Variants in GPHN observed in about 807,000 individuals in gnomAD.
The protein encoded by GPHN is gephyrin.
GPHN carries 17 observed loss-of-function variants against 95.5 expected under a neutral mutation model. That is an observed-to-expected ratio of 0.18 (90% confidence interval 0.12 to 0.27). GPHN has a LOEUF of 0.27. Ranked by LOEUF, GPHN falls within the 10% of genes least tolerant of loss-of-function variation. GPHN has a pLI of 1.00. For synonymous variants in GPHN, 320 were observed against 322.5 expected (o/e 0.99, Z 0.08); for missense variants, 660 against 978.1 (o/e 0.67, Z 4.34).
intron 12 of GPHN, 62 bp from the exon 13 acceptor site, chr14:67,100,794 G>A: frequency 1.9e-6 from 2 of 1,065,692 alleles, no homozygotes; most frequent in Non-Finnish European, 2.9e-6. Context: ...CCAATTTTAG[G>A]TTCTTGTTCC....
intron 18 of GPHN, among the ~76,000 whole-genome samples, chr14:67,145,942 G>A (rs756892427): frequency 1.3e-5 from 2 of 152,218 alleles, no homozygotes; most frequent in Non-Finnish European, 2.9e-5. Context: ...CTATCTCCAA[G>A]AATTATGACA....
At chr14:67,571,895 C>T in the GPHN span, 23 of 1,608,922 alleles carry the variant, frequency 1.4e-5, no homozygotes. Flanking sequence ...CCCGGGCCAT[C>T]AAGAGAGGTA....
chr14:67,125,776 CAA>C (rs758111687), intron 17 of GPHN, among the ~76,000 whole-genome samples: 16 of 92,016 alleles, frequency 1.7e-4, no homozygotes, highest in Admixed American at 2.4e-4. Context: ...GACTCTGTCT[CAA>C]AAAAAAAAAA....
intron 1 of GPHN, among the ~76,000 whole-genome samples, chr14:66,584,804 G>A (rs1370780476): frequency 6.6e-6 from 1 of 152,058 alleles, no homozygotes; most frequent in Non-Finnish European, 1.5e-5. Context: ...ATTTTATTGA[G>A]GATTTTTGCA....
chr14:66,975,325 A>T (rs1283885267), intron 9 of GPHN, among the ~76,000 whole-genome samples: 1 of 152,180 alleles, frequency 6.6e-6, no homozygotes, highest in Non-Finnish European at 1.5e-5. Flanking sequence ...TTCTACTTTT[A>T]TTGAAAGTAT....
the GPHN span, among the ~76,000 whole-genome samples, chr14:67,494,988 G>A: frequency 6.6e-6 from 1 of 152,168 alleles, no homozygotes; most frequent in Non-Finnish European, 1.5e-5. Flanking sequence ...GGGGCAAAAT[G>A]TTAATCACAG....
chr14:67,223,775 T>C, the GPHN span: 1 of 985,470 alleles, frequency 1.0e-6, no homozygotes, highest in Non-Finnish European at 1.2e-6. Flanking sequence ...TTTCAGTTTT[T>C]CCCCTGATTA....
chr14:66,562,814 G>T (rs180885133), intron 1 of GPHN, among the ~76,000 whole-genome samples: 1 of 152,178 alleles, frequency 6.6e-6, no homozygotes, highest in East Asian at 1.9e-4. Flanking sequence ...ACTAAGAATC[G>T]AATAGTCCTG....
chr14:66,948,653 C>T (rs996053484), intron 8 of GPHN, among the ~76,000 whole-genome samples: 1 of 152,198 alleles, frequency 6.6e-6, no homozygotes, highest in Non-Finnish European at 1.5e-5. Flanking sequence ...CACATACTAC[C>T]AGAAACCCTG....
chr14:67,049,968 T>C (rs1214498495), intron 10 of GPHN, among the ~76,000 whole-genome samples: 1 of 152,210 alleles, frequency 6.6e-6, no homozygotes, highest in Non-Finnish European at 1.5e-5. Context: ...TACCTGCTGA[T>C]GTGCCAGAGA....
rs540501159 is a variant in GPHN, at chr14:66,646,460, G to T, written c.65-34647G>T. Among the ~76,000 whole-genome samples, 7 of 152,184 alleles carry T rather than the reference G, an allele frequency of 4.6e-5. No individual in the cohort carries two copies. In the East Asian group the frequency reaches 5.8e-4, roughly 13 times the overall value. ...TAGAATTATGATTGTACAATTCCAAGAATTGAAGGTAGGGTCTCAAAGAGA... is the reference window on the plus strand; with the variant it reads ...TAGAATTATGATTGTACAATTCCAATAATTGAAGGTAGGGTCTCAAAGAGA... On this transcript the variant is annotated intron_variant, in intron 1 of 22. Coordinates refer to ENST00000478722, the MANE Select transcript of GPHN (RefSeq NM_020806.5).
chr14:67,047,509 G>C (rs1457367518), intron 10 of GPHN, among the ~76,000 whole-genome samples: 2 of 151,782 alleles, frequency 1.3e-5, no homozygotes, highest in African/African-American at 4.8e-5. Context: ...GGGACTACAG[G>C]CTCCTGACAC....
At chr14:67,342,448 C>T in the GPHN span, among the ~76,000 whole-genome samples, 3 of 150,884 alleles carry the variant, frequency 2.0e-5, no homozygotes, top group East Asian at 1.9e-4. Flanking sequence ...GTTAAAAAAT[C>T]GAGCAGAGAG....
intron 1 of GPHN, among the ~76,000 whole-genome samples, chr14:66,596,786 C>T (rs535952081): frequency 1.3e-5 from 2 of 152,310 alleles, no homozygotes; most frequent in East Asian, 3.9e-4. Context: ...ACGGCTACAA[C>T]TGCGCCCGGG....
chr14:66,744,966 C>G (rs1486180385), intron 2 of GPHN, among the ~76,000 whole-genome samples: 1 of 152,036 alleles, frequency 6.6e-6, no homozygotes, highest in Non-Finnish European at 1.5e-5. Flanking sequence ...TTTCTAAAGT[C>G]TTAAGTCAAA....
chr14:67,566,652 G>A, the GPHN span, among the ~76,000 whole-genome samples: 1 of 151,808 alleles, frequency 6.6e-6, no homozygotes, highest in Non-Finnish European at 1.5e-5. Flanking sequence ...GGAGGCTTAA[G>A]TGGAAGTTAA....
chr14:66,710,377 G>A (rs990705256), intron 2 of GPHN, among the ~76,000 whole-genome samples: 11 of 152,220 alleles, frequency 7.2e-5, no homozygotes, highest in African/African-American at 2.6e-4. Flanking sequence ...TATTATATGA[G>A]CTGTGTTAAA....
At chr14:66,662,165 G>A (rs1309436993) in intron 1 of GPHN, among the ~76,000 whole-genome samples, 1 of 152,124 alleles carries the variant, frequency 6.6e-6, no homozygotes, top group Non-Finnish European at 1.5e-5. Context: ...ATAAAAGTGT[G>A]GCTAGACTGC....
At chr14:66,584,982 C>T (rs2061359821) in intron 1 of GPHN, among the ~76,000 whole-genome samples, 1 of 152,076 alleles carries the variant, frequency 6.6e-6, no homozygotes, top group Non-Finnish European at 1.5e-5. Flanking sequence ...CCTCCTTGTA[C>T]CTCTGGTGGA....
Sources: allele counts gnomAD v4.1 joint callset (sites outside exome capture counted in the v4.1 genomes callset), GRCh38; gene constraint gnomAD v4.1.1; transcripts MANE v1.5; gene names NCBI Gene and HGNC (gene_info 2026-07-23, HGNC 2026-07-21).